The following ITGA1 variants were observed in gnomAD, a reference collection of about 807,000 sequenced individuals.
ITGA1 encodes the protein integrin alpha-1.
Under a neutral mutation model 145.9 loss-of-function variants are expected in ITGA1, and 85 were observed. The ratio of observed to expected loss-of-function variants is 0.58; its 90% CI spans 0.49 to 0.70. The LOEUF is 0.70. Among genes scored for constraint, ITGA1 ranks in the 30% least tolerant of loss-of-function variants. ITGA1 has a pLI of 0.00. For missense variants in ITGA1, 1,351 were observed against 1,418.7 expected, an observed-to-expected ratio of 0.95 and a Z score of 0.77; for synonymous variants, 520 against 495.3, an observed-to-expected ratio of 1.05 and a Z score of -0.66.
At chr5:52,791,278 G>A (rs559925200) in intron 1 of ITGA1, among the ~76,000 whole-genome samples, 41 of 152,228 alleles carry the variant, frequency 2.7e-4, no homozygotes, top group African/African-American at 9.6e-4. Flanking sequence ...AGCATCTAGC[G>A]CAAGCAACAG....
intron 1 of ITGA1, chr5:52,803,002 T>C (rs1196188540): frequency 6.6e-6 from 1 of 152,230 alleles, no homozygotes; most frequent in East Asian, 1.9e-4. Context: ...GAATTGCTTC[T>C]TGACCTTTTG....
At chr5:52,810,403 C>G (rs1748666809) in intron 1 of ITGA1, among the ~76,000 whole-genome samples, 1 of 152,156 alleles carries the variant, frequency 6.6e-6, no homozygotes, top group African/African-American at 2.4e-5. Context: ...AGGAAAACAC[C>G]TTTAACAAAC....
At chr5:52,914,194 A>G in intron 14 of ITGA1, among the ~76,000 whole-genome samples, 1 of 152,240 alleles carries the variant, frequency 6.6e-6, no homozygotes, top group East Asian at 1.9e-4. Flanking sequence ...TTGTTTAATT[A>G]CTGGCAAAAT....
chr5:52,911,343 GTATATAGTGTA>G (rs1215025711), intron 14 of ITGA1, among the ~76,000 whole-genome samples: 27 of 130,178 alleles, frequency 2.1e-4, no homozygotes, highest in African/African-American at 7.0e-4. Context: ...TGTATATATA[GTATATAGTGTA>G]TATATAGTGT....
Position 52,881,900 on chromosome 5 carries a change from G to C in ITGA1, c.652G>C (p.Val218Leu). The C allele has an allele frequency of 1.2e-6, 2 of 1,613,594 alleles. No homozygotes were observed. Among genetic ancestry groups the C allele is most frequent in the African/African-American group, 2.7e-5 (2 of 75,002 alleles). ...TGGAATTGTACAGTATGGAGAAAACGTGACCCATGAGTTCAACCTCAATAA... is the reference window on the plus strand; with the variant it reads ...TGGAATTGTACAGTATGGAGAAAACCTGACCCATGAGTTCAACCTCAATAA... ...QVGIVQYGENVTHEFNLNKYS... is the reference protein window; with the variant it reads ...QVGIVQYGENLTHEFNLNKYS... Residue 218 changes from valine (V) to leucine (L), a missense_variant, in exon 7 of 29, where the codon GTG (valine) becomes CTG (leucine). Transcript: ENST00000282588.
At chr5:52,839,816 C>G (rs1749224852) in intron 1 of ITGA1, among the ~76,000 whole-genome samples, 1 of 151,900 alleles carries the variant, frequency 6.6e-6, no homozygotes, top group Non-Finnish European at 1.5e-5. Flanking sequence ...TATAAATAAA[C>G]AAAAAAGAAG....
chr5:52,940,602 A>G (rs909612962), intron 26 of ITGA1, among the ~76,000 whole-genome samples: 5 of 151,854 alleles, frequency 3.3e-5, no homozygotes, highest in Non-Finnish European at 4.4e-5. Context: ...AGTAGAGACT[A>G]TGAAGACATT....
At chr5:52,951,848 T>C (rs903751352) in intron 28 of ITGA1, among the ~76,000 whole-genome samples, 14 of 152,198 alleles carry the variant, frequency 9.2e-5, no homozygotes, top group African/African-American at 3.4e-4. Context: ...TCAATGTGTA[T>C]ACTATATTTT....
rs371259220 is a variant in ITGA1, at chr5:52,849,209, A to G, written c.62-156A>G. The stretch of plus-strand genomic sequence containing the variant: ...TTGGTTTACAGTTAGTAATACAGTT[A>G]AGAGTGGAGACCTTCCTTGAGTTTT... On this transcript the variant is annotated intron_variant, in intron 1 of 28. Coordinates refer to ENST00000282588, the MANE Select transcript of ITGA1 (RefSeq NM_181501.2). Among the ~76,000 whole-genome samples the G allele has an allele frequency of 6.6e-5, 10 of 152,184 alleles. No homozygotes were observed. In the East Asian group the frequency reaches 1.9e-3, roughly 29 times the overall value.
intron 1 of ITGA1, among the ~76,000 whole-genome samples, chr5:52,820,401 T>G (rs1289035221): frequency 7.0e-6 from 1 of 141,926 alleles, no homozygotes; most frequent in South Asian, 2.4e-4. Context: ...AGGGATAGCA[T>G]TAGGAGATAC....
chr5:52,922,009 T>C (rs1477662756), intron 17 of ITGA1, among the ~76,000 whole-genome samples: 2 of 152,172 alleles, frequency 1.3e-5, no homozygotes, highest in African/African-American at 2.4e-5. Flanking sequence ...TTTTACATTA[T>C]AAAATTCTTG....
intron 1 of ITGA1, among the ~76,000 whole-genome samples, chr5:52,840,832 T>C (rs546243361): frequency 2.6e-5 from 4 of 152,326 alleles, no homozygotes. Context: ...TTCATTTCTT[T>C]TGATTTATTC....
Position 52,954,914 on chromosome 5 carries a change from T to A in ITGA1, c.*2463T>A, listed in dbSNP as rs892552726. On this transcript the variant is annotated 3_prime_UTR_variant, in exon 29 of 29. Transcript: ENST00000282588. ...TACAAATGTTATAAAACATATTTAA[T>A]GATTAAGAAATGTACTAGACTCTAT... 2 of 152,222 alleles carry A rather than the reference T, an allele frequency of 1.3e-5. No homozygotes were observed. Among genetic ancestry groups the A allele is most frequent in the Non-Finnish European group, 1.5e-5 (1 of 68,032 alleles). 9.4% of individuals were successfully genotyped at this position (152,222 alleles called of 1,614,324 possible).
At chr5:52,908,639 T>G (rs967465283) in intron 12 of ITGA1, among the ~76,000 whole-genome samples, 68 of 152,306 alleles carry the variant, frequency 4.5e-4, no homozygotes, top group Non-Finnish European at 5.9e-4. Flanking sequence ...TAGAGTGAAA[T>G]CTAAAGAAAT....
intron 1 of ITGA1, among the ~76,000 whole-genome samples, chr5:52,832,767 G>C (rs1258758465): frequency 3.3e-5 from 2 of 60,610 alleles, no homozygotes; most frequent in East Asian, 3.7e-4. Context: ...ATATAAATCT[G>C]TGTGTGTGTG....
At chr5:52,899,907 T>A (rs1750287909) in intron 11 of ITGA1, among the ~76,000 whole-genome samples, 1 of 152,196 alleles carries the variant, frequency 6.6e-6, no homozygotes, top group African/African-American at 2.4e-5. Context: ...AATTGAGGCT[T>A]CTTGATTCTT....
chr5:52,927,041 T>A (rs1403337486), intron 19 of ITGA1, among the ~76,000 whole-genome samples: 2 of 152,208 alleles, frequency 1.3e-5, no homozygotes, highest in Non-Finnish European at 2.9e-5. Context: ...AATAATGGCA[T>A]ATCTCATGTT....
Position 52,911,558 on chromosome 5 carries a change from G to A in ITGA1, c.1857+1139G>A, listed in dbSNP as rs1561246335. Among the ~76,000 whole-genome samples the A allele has an allele frequency of 4.3e-4, 24 of 56,354 alleles. 2 individuals are homozygous for A. Among genetic ancestry groups the A allele is most frequent in the Non-Finnish European group, 4.4e-4 (11 of 24,828 alleles). 37.0% of individuals were successfully genotyped at this position (56,354 alleles called of 152,430 possible). A position where few individuals can be genotyped will look rare whatever the true frequency, so the allele number is the denominator to read the frequency against. ...ATTAGATACATATACTATATATAGT[G>A]TATCTACTATATATACTATATATAT... On this transcript the variant is annotated intron_variant, in intron 14 of 28. Coordinates refer to ENST00000282588, the MANE Select transcript of ITGA1 (RefSeq NM_181501.2).
chr5:52,856,367 T>G (rs1289146637), intron 2 of ITGA1, among the ~76,000 whole-genome samples: 1 of 152,202 alleles, frequency 6.6e-6, no homozygotes, highest in African/African-American at 2.4e-5. Context: ...TTCCCCCACT[T>G]GATATTACAT....
Sources: allele counts gnomAD v4.1 joint callset (sites outside exome capture counted in the v4.1 genomes callset), GRCh38; gene constraint gnomAD v4.1.1; transcripts MANE v1.5; gene names NCBI Gene and HGNC (gene_info 2026-07-23, HGNC 2026-07-21).